PPP2R2A: variants seen among roughly 807,000 people sequenced by gnomAD.
The protein encoded by PPP2R2A is protein phosphatase 2 regulatory subunit Balpha, also known as serine/threonine-protein phosphatase 2A 55 kDa regulatory subunit B alpha isoform.
Under a neutral mutation model 53.2 loss-of-function variants are expected in PPP2R2A, and 9 were observed. The ratio of observed to expected loss-of-function variants is 0.17; its 90% confidence interval spans 0.10 to 0.30. The LOEUF is 0.30. PPP2R2A is among the 10% of genes least tolerant of loss of function. The pLI is 1.00. For missense variants in PPP2R2A, 235 were observed against 534.6 expected, an observed-to-expected ratio of 0.44 and a Z score of 5.53; for synonymous variants, 169 against 174.2, an observed-to-expected ratio of 0.97 and a Z score of 0.23.
At chr8:26,341,084 C>A (rs2117333936) in intron 3 of PPP2R2A, among the ~76,000 whole-genome samples, 1 of 152,108 alleles carries the variant, frequency 6.6e-6, no homozygotes, top group South Asian at 2.1e-4. Context: ...TTTAAGAATT[C>A]TAGATGGAGA....
chr8:26,314,683 A>G (rs1010563265), intron 2 of PPP2R2A, among the ~76,000 whole-genome samples: 17 of 152,138 alleles, frequency 1.1e-4, no homozygotes, highest in Non-Finnish European at 2.2e-4. Flanking sequence ...ATTTGAGAAC[A>G]CTAATGCCAT....
At chr8:26,300,798 C>T (rs546350041) in intron 2 of PPP2R2A, among the ~76,000 whole-genome samples, 12 of 152,190 alleles carry the variant, frequency 7.9e-5, no homozygotes, top group African/African-American at 2.9e-4. Flanking sequence ...TTGCAGTGAG[C>T]CGAGATCGTG....
At chr8:26,369,516 G>A (rs775710139) in intron 9 of PPP2R2A, among the ~76,000 whole-genome samples, 16 of 151,886 alleles carry the variant, frequency 1.1e-4, no homozygotes, top group South Asian at 4.2e-4. Flanking sequence ...TCAGCCTCCC[G>A]AGTAGTTGGG....
intron 2 of PPP2R2A, among the ~76,000 whole-genome samples, chr8:26,312,331 T>A (rs1802328486): frequency 6.6e-6 from 1 of 152,228 alleles, no homozygotes; most frequent in African/African-American, 2.4e-5. Context: ...AAAATACAGA[T>A]GATGATGGTG....
At position 26,291,546 on chromosome 8, in the gene PPP2R2A, C is replaced by G. The variant is rs1008872753; in HGVS notation, c.-274C>G. The G allele has an allele frequency of 6.8e-5, 36 of 529,402 alleles. No individual in the cohort carries two copies. In the Admixed American group the frequency reaches 1.3e-3, roughly 18 times the overall value. The allele number at this position is 529,402 out of a possible 1,614,324, so 32.8% of individuals were successfully genotyped here. A position where few individuals can be genotyped will look rare whatever the true frequency, so the allele number is the denominator to read the frequency against. ...CCATTTTGAAAGTGGAGTCGCCTGC[C>G]CCTGCCGCTGCCGCCGCCGCCGTCG... On this transcript the variant is annotated 5_prime_UTR_variant, in exon 1 of 10. Coordinates refer to ENST00000380737, the MANE Select transcript of PPP2R2A (RefSeq NM_002717.4).
At chr8:26,353,457 TATC>T (rs1266617658) in intron 3 of PPP2R2A, among the ~76,000 whole-genome samples, 6 of 152,240 alleles carry the variant, frequency 3.9e-5, no homozygotes, top group Non-Finnish European at 8.8e-5. Context: ...CTGTTTTTAT[TATC>T]AAGAAGTTCT....
chr8:26,340,808 T>C (rs1467253916), intron 3 of PPP2R2A, among the ~76,000 whole-genome samples: 17 of 152,122 alleles, frequency 1.1e-4, no homozygotes. Context: ...CTAAAGGCTG[T>C]TAGTAATACA....
In PPP2R2A at chr8:26,318,036, GC is replaced by G. The variant is rs1320077604; in HGVS notation, c.83-20852del. Among the ~76,000 whole-genome samples the G allele has an allele frequency of 8.5e-5, 13 of 152,128 alleles. No individual in the cohort carries two copies. In the East Asian group the frequency reaches 2.5e-3, roughly 29 times the overall value. ...GAACTTGGTATTAGAGAAACATGCA[GC>G]CTCTAATTTCCTGTTAAAACTCTGT... On this transcript the variant is annotated intron_variant, in intron 2 of 9. Coordinates refer to ENST00000380737, the MANE Select transcript of PPP2R2A (RefSeq NM_002717.4).
chr8:26,323,072 C>A (rs1802921453), intron 2 of PPP2R2A, among the ~76,000 whole-genome samples: 1 of 152,196 alleles, frequency 6.6e-6, no homozygotes, highest in Non-Finnish European at 1.5e-5. Flanking sequence ...TGTGCAGTCT[C>A]CTTTTTTACC....
intron 4 of PPP2R2A, among the ~76,000 whole-genome samples, chr8:26,357,283 A>AC (rs11365852): frequency 0.16 from 16,410 of 104,078 alleles, 1,597 homozygotes; most frequent in South Asian, 0.2. Context: ...GCATAGTAAC[A>AC]CCCCCCCCCC....
chr8:26,316,828 G>A (rs1271995229), intron 2 of PPP2R2A, among the ~76,000 whole-genome samples: 2 of 152,142 alleles, frequency 1.3e-5, no homozygotes, highest in African/African-American at 4.8e-5. Context: ...CCTTATTACC[G>A]GATCACCTGC....
chr8:26,298,334 A>G (rs542470183), intron 2 of PPP2R2A, among the ~76,000 whole-genome samples: 2 of 152,212 alleles, frequency 1.3e-5, no homozygotes, highest in Non-Finnish European at 1.5e-5. Flanking sequence ...GCAGTTGTTC[A>G]ACTCTTCCGC....
intron 3 of PPP2R2A, among the ~76,000 whole-genome samples, chr8:26,348,647 C>T (rs1381637196): frequency 6.6e-6 from 1 of 152,156 alleles, no homozygotes; most frequent in Admixed American, 6.5e-5. Flanking sequence ...AAGGGATACT[C>T]AGCCTGTAAA....
rs1805158961 is a variant in PPP2R2A at position 26,362,479 on chromosome 8, T to C, written c.638-205T>C. ...GAGATTGCGCCACTGCACTCCAGCCTGGGTGACAGAGTGAAACTCCGTCTA... is the reference window on the plus strand; with the variant it reads ...GAGATTGCGCCACTGCACTCCAGCCCGGGTGACAGAGTGAAACTCCGTCTA... On this transcript the variant is annotated intron_variant, in intron 6 of 9. Coordinates refer to ENST00000380737, the MANE Select transcript of PPP2R2A (RefSeq NM_002717.4). This position sits in a 1 kb window ranked among gnomAD's most constrained non-coding sequence, Gnocchi z 4.4. Among the ~76,000 whole-genome samples, 1 of 152,100 alleles carries C rather than the reference T, an allele frequency of 6.6e-6. No individual in the cohort carries two copies. The highest frequency in any genetic ancestry group is 1.5e-5 in the Non-Finnish European group (1 of 68,030).
Position 26,291,782 on chromosome 8 carries a change from C to G in PPP2R2A, c.-38C>G, listed in dbSNP as rs751247570. 5 of 1,595,632 alleles carry G rather than the reference C, an allele frequency of 3.1e-6. No homozygotes were observed. The South Asian group carries it at 4.5e-5, about 14-fold the overall frequency. ...GGGGGTGAGTTCAGGAAGCGGAGAC[C>G]CCGAGGAACCCAGCAGGGTCACCAT... On this transcript the variant is annotated 5_prime_UTR_variant, in exon 1 of 10. Transcript: ENST00000380737.
At chr8:26,296,283 A>T (rs1801537912) in intron 2 of PPP2R2A, among the ~76,000 whole-genome samples, 1 of 152,264 alleles carries the variant, frequency 6.6e-6, no homozygotes, top group African/African-American at 2.4e-5. Flanking sequence ...AAGTTCAAAC[A>T]TCTCAGTCTA....
intron 2 of PPP2R2A, among the ~76,000 whole-genome samples, chr8:26,328,694 T>C (rs1803216177): frequency 6.6e-6 from 1 of 152,240 alleles, no homozygotes; most frequent in Admixed American, 6.5e-5. Flanking sequence ...TAGAGATTTG[T>C]TATTTTTTTG....
intron 2 of PPP2R2A, among the ~76,000 whole-genome samples, chr8:26,337,306 AC>A (rs1282629433): frequency 6.6e-6 from 1 of 152,228 alleles, no homozygotes; most frequent in Non-Finnish European, 1.5e-5. Context: ...AGCTGGACTT[AC>A]GAGAAAGAAT....
chr8:26,291,726 C>T lies in PPP2R2A; in HGVS notation c.-94C>T. ...CCCGCAGGTGCCATCCGCCGCCATC[C>T]GCCCTCTCTACCCCCCCATCCCCAG... On this transcript the variant is annotated 5_prime_UTR_variant, in exon 1 of 10. Coordinates refer to ENST00000380737, the MANE Select transcript of PPP2R2A (RefSeq NM_002717.4). The T allele has an allele frequency of 7.5e-7, 1 of 1,338,098 alleles. No homozygotes were observed. Among genetic ancestry groups the T allele is most frequent in the Non-Finnish European group, 1.0e-6 (1 of 972,222 alleles). 82.9% of individuals were successfully genotyped at this position (1,338,098 alleles called of 1,614,324 possible).
Sources: gnomAD v4.1 joint callset for allele counts (sites outside exome capture counted in the v4.1 genomes callset) on GRCh38, gnomAD v4.1.1 for gene constraint, Gnocchi (gnomAD v3.1) non-coding constraint, MANE v1.5 for transcripts, NCBI Gene and HGNC (gene_info 2026-07-23, HGNC 2026-07-21) for gene names.